The following STK3 variants were observed in gnomAD, a reference collection of about 807,000 sequenced individuals.
The protein encoded by STK3 is serine/threonine kinase 3.
STK3 carries 41 observed loss-of-function variants against 58.0 expected under a neutral mutation model. That is an observed-to-expected ratio of 0.71 (90% CI 0.55 to 0.92). The LOEUF is 0.92. STK3 is among the 40% of genes least tolerant of loss of function. STK3 has a pLI of 0.00. For synonymous variants in STK3, 170 were observed against 191.0 expected (o/e 0.89, Z 0.91); for missense variants, 479 against 602.7 (o/e 0.79, Z 2.15).
At position 98,873,667 on chromosome 8, in the gene STK3, C is replaced by CTT. The variant is rs1164158448; in HGVS notation, c.110+9978_110+9979dup. ...TCAGAGACTAGGATTGCAACCCCTG[C>CTT]TTTTTTTTTTTGTTTTCCATTTGCT... On this transcript the variant is annotated intron_variant, in intron 3 of 12. Transcript: ENST00000523601. 1.2e-4 allele frequency among the ~76,000 whole-genome samples: 18 copies of CTT among 145,492 alleles called. No homozygotes were observed. The South Asian group carries it at 3.3e-3, about 26-fold the overall frequency.
intron 7 of STK3, among the ~76,000 whole-genome samples, chr8:98,587,293 TTG>T (rs746164720): frequency 7.2e-5 from 11 of 152,050 alleles, no homozygotes; most frequent in Non-Finnish European, 1.2e-4. Flanking sequence ...TTCTGGTATG[TTG>T]TGTCTTTGTT....
intron 1 of STK3, among the ~76,000 whole-genome samples, chr8:98,928,480 T>C (rs960786232): frequency 6.6e-6 from 1 of 152,196 alleles, no homozygotes; most frequent in Admixed American, 6.5e-5. Flanking sequence ...GATTTGGCAA[T>C]TGGATGGTTA....
At chr8:98,529,288 G>GA (rs1328420446) in intron 9 of STK3, among the ~76,000 whole-genome samples, 2 of 152,112 alleles carry the variant, frequency 1.3e-5, no homozygotes, top group Non-Finnish European at 2.9e-5. Context: ...AAACAAAAGG[G>GA]GGGGGGACGG....
At chr8:98,640,349 C>T (rs1331859282) in intron 6 of STK3, among the ~76,000 whole-genome samples, 1 of 152,122 alleles carries the variant, frequency 6.6e-6, no homozygotes, top group African/African-American at 2.4e-5. Flanking sequence ...TGTGCCTGAC[C>T]TCCATATTCA....
chr8:98,811,927 A>C (rs1050919948), intron 1 of STK3, among the ~76,000 whole-genome samples: 1 of 152,204 alleles, frequency 6.6e-6, no homozygotes, highest in African/African-American at 2.4e-5. Context: ...CTCCTGCCTC[A>C]GCCTCCCAAG....
At chr8:98,755,051 T>C (rs1005857396) in intron 3 of STK3, among the ~76,000 whole-genome samples, 4 of 152,132 alleles carry the variant, frequency 2.6e-5, no homozygotes, top group Admixed American at 1.3e-4. Context: ...AGAGAAAACT[T>C]TGGCAAAACG....
intron 1 of STK3, among the ~76,000 whole-genome samples, chr8:98,824,156 T>C (rs968728628): frequency 3.3e-5 from 5 of 152,206 alleles, no homozygotes; most frequent in African/African-American, 1.2e-4. Flanking sequence ...CAAAAATGCT[T>C]TTGCGGCATT....
chr8:98,398,143 A>G (rs1467999791), downstream of STK3, among the ~76,000 whole-genome samples: 2 of 152,194 alleles, frequency 1.3e-5, no homozygotes, highest in Non-Finnish European at 2.9e-5. Flanking sequence ...AGCGAAGGGC[A>G]TCACGTGTCT....
At chr8:98,629,517 G>C (rs1819014391) in intron 6 of STK3, among the ~76,000 whole-genome samples, 1 of 152,124 alleles carries the variant, frequency 6.6e-6, no homozygotes, top group African/African-American at 2.4e-5. Context: ...AATCTAGAGG[G>C]ATCCAGGTAA....
intron 4 of STK3, among the ~76,000 whole-genome samples, chr8:98,740,794 A>T (rs1449540002): frequency 1.3e-5 from 2 of 152,232 alleles, no homozygotes; most frequent in East Asian, 1.9e-4. Context: ...AAAGATACAG[A>T]CTGGCAAATT....
At chr8:98,809,526 G>A (rs144778743) in intron 1 of STK3, among the ~76,000 whole-genome samples, 49 of 152,222 alleles carry the variant, frequency 3.2e-4, no homozygotes, top group African/African-American at 1.1e-3. Flanking sequence ...CCATAGTCCC[G>A]TGTAACCACT....
At chr8:98,913,131 C>CAAA (rs71995197) in intron 1 of STK3, among the ~76,000 whole-genome samples, 3,981 of 143,062 alleles carry the variant, frequency 0.028, 79 homozygotes, top group Non-Finnish European at 0.039. Context: ...ACATAAATGG[C>CAAA]AAAAAAAAAA....
At chr8:98,507,500 A>G (rs554402489) in intron 10 of STK3, among the ~76,000 whole-genome samples, 25 of 152,246 alleles carry the variant, frequency 1.6e-4, no homozygotes, top group African/African-American at 5.8e-4. Context: ...CCCTTGCCCC[A>G]CTCAATCAAT....
chr8:98,687,553 A>T (rs1465047985), intron 6 of STK3, among the ~76,000 whole-genome samples: 1 of 152,206 alleles, frequency 6.6e-6, no homozygotes, highest in Non-Finnish European at 1.5e-5. Context: ...CCTGTTCTAA[A>T]GGGAAACCCA....
chr8:98,449,818 A>G (rs75338536), downstream of STK3, among the ~76,000 whole-genome samples: 55 of 152,304 alleles, frequency 3.6e-4, no homozygotes, highest in African/African-American at 1.1e-3. Flanking sequence ...TTCTCCGGAA[A>G]TGGATTGGTC....
chr8:98,696,747 G>A (rs1198418823), intron 6 of STK3, among the ~76,000 whole-genome samples: 6 of 152,236 alleles, frequency 3.9e-5, no homozygotes, highest in African/African-American at 1.4e-4. Context: ...TGTGCTGCTG[G>A]ATTCGTTTTG....
intron 6 of STK3, among the ~76,000 whole-genome samples, chr8:98,625,121 T>A (rs1006310983): frequency 4.6e-5 from 7 of 152,058 alleles, no homozygotes; most frequent in Non-Finnish European, 1.0e-4. Context: ...CAGAGAAACA[T>A]AACAAAAAAA....
intron 3 of STK3, among the ~76,000 whole-genome samples, chr8:98,864,197 CAAAAAAA>C (rs35196007): frequency 4.5e-4 from 17 of 37,452 alleles, no homozygotes; most frequent in South Asian, 1.1e-3. Flanking sequence ...GACTCCTTCT[CAAAAAAA>C]AAAAAAAAAA....
chr8:98,536,968 TAA>T (rs975042680), intron 9 of STK3, among the ~76,000 whole-genome samples: 3 of 152,272 alleles, frequency 2.0e-5, no homozygotes, highest in African/African-American at 7.2e-5. Context: ...CAGGCTGACC[TAA>T]AAAACCTATG....
Sources: allele counts gnomAD v4.1 joint callset (sites outside exome capture counted in the v4.1 genomes callset), GRCh38; gene constraint gnomAD v4.1.1; transcripts MANE v1.5; gene names NCBI Gene and HGNC (gene_info 2026-07-23, HGNC 2026-07-21).